Variants in C4orf50 observed in about 807,000 individuals in gnomAD.
The protein encoded by C4orf50 is chromosome 4 open reading frame 50.
A neutral mutation model predicts 77.2 loss-of-function variants in C4orf50; 80 were observed. The ratio of observed to expected loss-of-function variants is 1.04; its 90% CI spans 0.87 to 1.25. The LOEUF is 1.25. C4orf50 is among the 50% of genes most tolerant of loss of function. The pLI is 0.00. For synonymous variants in C4orf50, 532 were observed against 465.3 expected, an observed-to-expected ratio of 1.14 and a Z score of -1.84; for missense variants, 1,257 against 1,152.9, an observed-to-expected ratio of 1.09 and a Z score of -1.31.
intron 7 of C4orf50, among the ~76,000 whole-genome samples, chr4:5,920,854 T>C (rs560175276): frequency 6.6e-6 from 1 of 152,328 alleles, no homozygotes; most frequent in South Asian, 2.1e-4. Context: ...CAACAACTGC[T>C]GACTGCAAAG....
chr4:5,999,526 G>T (rs1477929285), intron 25 of C4orf50, among the ~76,000 whole-genome samples: 2 of 152,198 alleles, frequency 1.3e-5, no homozygotes, highest in Non-Finnish European at 2.9e-5. Flanking sequence ...TCACTTCCCA[G>T]CATTGCCACT....
chr4:5,924,709 A>G (rs1717436597), intron 7 of C4orf50, among the ~76,000 whole-genome samples: 2 of 152,184 alleles, frequency 1.3e-5, no homozygotes, highest in Admixed American at 1.3e-4. Context: ...GGGAACTGAG[A>G]TCAAGTTCCA....
intron 30 of C4orf50, among the ~76,000 whole-genome samples, chr4:5,974,969 G>A (rs760412004): frequency 4.0e-5 from 6 of 151,478 alleles, no homozygotes; most frequent in Non-Finnish European, 8.8e-5. Context: ...GTGAAACCCT[G>A]TCTCTACTAA....
intron 32 of C4orf50, among the ~76,000 whole-genome samples, chr4:5,967,075 G>A (rs1249982822): frequency 6.6e-6 from 1 of 152,124 alleles, no homozygotes; most frequent in Non-Finnish European, 1.5e-5. Flanking sequence ...CAATACTGAG[G>A]GTTCCTCCCA....
Position 5,973,653 on chromosome 4 carries a change from C to T in C4orf50, c.4104+6G>A. The T allele has an allele frequency of 1.2e-6, 2 of 1,607,544 alleles. No homozygotes were observed. The highest frequency in any genetic ancestry group is 1.7e-6 in the Non-Finnish European group (2 of 1,175,730). On this transcript the variant is annotated splice_donor_region_variant and intron_variant, in intron 31 of 33. Coordinates refer to ENST00000531445, the Ensembl canonical transcript of C4orf50. ...AGCACAGACAGGGCCATCTCTGGGA[C>T]TCTACCTCTGGGACTCCCGGAGCCA...
At chr4:5,920,649 G>A (rs945793099) in intron 7 of C4orf50, among the ~76,000 whole-genome samples, 2 of 146,594 alleles carry the variant, frequency 1.4e-5, no homozygotes, top group Admixed American at 1.4e-4. Context: ...GCTAATTTTT[G>A]TATTTTTAAT....
rs141651028 is a variant in C4orf50, at chr4:5,989,215, T to C, written c.2831A>G (p.Asn944Ser). Residue 944 changes from asparagine (N) to serine (S), a missense_variant, in exon 28 of 34, where the codon AAC (asparagine) becomes AGC (serine). By Grantham distance (46) the Asn-to-Ser change is conservative (BLOSUM62 1). Coordinates refer to ENST00000531445, the Ensembl canonical transcript of C4orf50. ...CTCTTGGTCTCCGTGAAGTTTGGTGTTGTCATGTAAAATCTGGCTTCTCTG... is the reference window on the plus strand; with the variant it reads ...CTCTTGGTCTCCGTGAAGTTTGGTGCTGTCATGTAAAATCTGGCTTCTCTG... 1.0e-4 allele frequency: 159 copies of C among 1,536,056 alleles called. 1 individual carries two copies. In the East Asian group the frequency reaches 3.7e-3, roughly 36 times the overall value.
intron 25 of C4orf50, among the ~76,000 whole-genome samples, chr4:5,999,119 C>A (rs1208422247): frequency 6.6e-6 from 1 of 152,218 alleles, no homozygotes; most frequent in Non-Finnish European, 1.5e-5. Flanking sequence ...TCATGAGTTC[C>A]TGTTTAGGAA....
exon 34 of C4orf50, chr4:5,957,125 T>C (rs1375210359): frequency 6.6e-6 from 1 of 152,234 alleles, no homozygotes; most frequent in African/African-American, 2.4e-5. Flanking sequence ...CTTGGAAACA[T>C]GATTTATTAG....
chr4:5,933,311 G>C (rs377293833), intron 7 of C4orf50, among the ~76,000 whole-genome samples: 4 of 152,308 alleles, frequency 2.6e-5, no homozygotes, highest in African/African-American at 9.6e-5. Flanking sequence ...ACTCTGGAAG[G>C]CTCCCTACTG....
rs1283952754 is a variant in C4orf50 at position 6,015,631 on chromosome 4, T to G, written c.287+2514A>C. On this transcript the variant is annotated intron_variant, in intron 23 of 33. Coordinates refer to ENST00000531445, the Ensembl canonical transcript of C4orf50. This position sits in a 1 kb window ranked among gnomAD's most constrained non-coding sequence, Gnocchi z 4.4. The stretch of plus-strand genomic sequence containing the variant: ...GGTCTCCTCCTGCAGCTGTAACACG[T>G]CACCACAAGCTTGGCGGCCAGAAGT... 6.6e-6 allele frequency among the ~76,000 whole-genome samples: 1 copy of G among 152,076 alleles called. No individual in the cohort carries two copies. The highest frequency in any genetic ancestry group is 1.5e-5 in the Non-Finnish European group (1 of 68,006).
At chr4:5,942,781 A>G (rs758207299) in intron 7 of C4orf50, among the ~76,000 whole-genome samples, 11 of 152,184 alleles carry the variant, frequency 7.2e-5, no homozygotes, top group Non-Finnish European at 8.8e-5. Context: ...CTGTCCCTAT[A>G]AAATAGCATG....
In C4orf50 at chr4:6,000,761, G is replaced by C. The variant is rs1721796658; in HGVS notation, c.964-6285C>G. On this transcript the variant is annotated intron_variant, in intron 25 of 33. Coordinates refer to ENST00000531445, the Ensembl canonical transcript of C4orf50. This position sits in a 1 kb window ranked among gnomAD's most constrained non-coding sequence, Gnocchi z 6.0. ...TGGGTACCATCAAATCCTGACTGTT[G>C]ACCTGTTGACCAGTATTTACTGAAG... is the stretch of plus-strand genomic sequence containing the variant. Among the ~76,000 whole-genome samples, 1 of 152,102 alleles carries C rather than the reference G, an allele frequency of 6.6e-6. No homozygotes were observed.
intron 7 of C4orf50, among the ~76,000 whole-genome samples, chr4:5,911,178 G>C (rs1203470378): frequency 6.6e-6 from 1 of 152,116 alleles, no homozygotes. Context: ...CAAAGTGCTG[G>C]GATTACAGGC....
At chr4:5,978,859 T>C (rs1720420622) in intron 29 of C4orf50, among the ~76,000 whole-genome samples, 2 of 152,218 alleles carry the variant, frequency 1.3e-5, no homozygotes, top group African/African-American at 4.8e-5. Context: ...CAAACAATCA[T>C]AGATTACCAC....
intron 25 of C4orf50, among the ~76,000 whole-genome samples, chr4:6,003,694 GATA>G (rs1721958275): frequency 6.7e-6 from 1 of 148,714 alleles, no homozygotes; most frequent in Non-Finnish European, 1.5e-5. Flanking sequence ...TGATGGTGAT[GATA>G]GTGATGGTGA....
chr4:5,990,828 C>T lies in C4orf50; in HGVS notation c.1222-4G>A, dbSNP rs931689453. The T allele has an allele frequency of 6.5e-5, 26 of 399,066 alleles. 1 individual carries two copies. Among genetic ancestry groups the T allele is most frequent in the Admixed American group, 2.6e-4 (6 of 22,722 alleles). 24.7% of individuals were successfully genotyped at this position (399,066 alleles called of 1,614,324 possible). A position where few individuals can be genotyped will look rare whatever the true frequency, so the allele number is the denominator to read the frequency against. On this transcript the variant is annotated splice_region_variant and splice_polypyrimidine_tract_variant and intron_variant, in intron 27 of 33. Coordinates refer to ENST00000531445, the Ensembl canonical transcript of C4orf50. ...AGCTGGGCTCTGCCAGAGTAAGCTA[C>T]AAATGGAGAGAGAAGATGAGGTGTG...
exon 28 of C4orf50, chr4:5,989,733 A>C: frequency 2.6e-6 from 4 of 1,535,306 alleles, no homozygotes; most frequent in Non-Finnish European, 3.5e-6. Flanking sequence ...CAAATCTGGG[A>C]AACAGTGGCA....
exon 28 of C4orf50, chr4:5,990,712 G>A (rs981445348): frequency 2.5e-6 from 1 of 399,032 alleles, no homozygotes; most frequent in Non-Finnish European, 4.4e-6. Flanking sequence ...TAGATTCTCT[G>A]AAATCCAGGC....
Sources: gnomAD v4.1 joint callset for allele counts (sites outside exome capture counted in the v4.1 genomes callset) on GRCh38, gnomAD v4.1.1 for gene constraint, Gnocchi (gnomAD v3.1) non-coding constraint, MANE v1.5 for transcripts, NCBI Gene and HGNC (gene_info 2026-07-23, HGNC 2026-07-21) for gene names.